EYS: variants seen among roughly 807,000 people sequenced by gnomAD.
The protein encoded by EYS is protein eyes shut homolog.
In EYS, 250 loss-of-function variants were observed where a neutral mutation model predicts 282.1. The observed-to-expected ratio is 0.89, with a 90% confidence interval of 0.80 to 0.98. The LOEUF is 0.98. EYS is among the 50% of genes least tolerant of loss of function. EYS has a pLI of 0.00. For missense variants in EYS, 4,016 were observed against 3,709.0 expected, an observed-to-expected ratio of 1.08 and a Z score of -2.15; for synonymous variants, 1,355 against 1,282.9, an observed-to-expected ratio of 1.06 and a Z score of -1.20.
At chr6:65,514,213 C>A (rs1308512992) in intron 2 of EYS, among the ~76,000 whole-genome samples, 3 of 151,992 alleles carry the variant, frequency 2.0e-5, no homozygotes, top group East Asian at 1.9e-4. Context: ...AATAAAATAC[C>A]TAGGAATCCA....
chr6:64,379,695 A>C (rs1772681808), intron 29 of EYS: 1 of 152,202 alleles, frequency 6.6e-6, no homozygotes, highest in African/African-American at 2.4e-5. Flanking sequence ...ATATCACATG[A>C]AAGTGAGGTG....
At chr6:64,130,949 C>A (rs1365224338) in intron 31 of EYS, among the ~76,000 whole-genome samples, 2 of 152,118 alleles carry the variant, frequency 1.3e-5, no homozygotes. Flanking sequence ...CTCATTGCAA[C>A]CTCCGCCTCC....
intron 31 of EYS, among the ~76,000 whole-genome samples, chr6:64,203,566 T>A (rs897528501): frequency 6.6e-5 from 10 of 152,114 alleles, no homozygotes; most frequent in African/African-American, 2.4e-4. Context: ...TTCTATGGGA[T>A]TATGCCAAAA....
intron 31 of EYS, among the ~76,000 whole-genome samples, chr6:64,196,207 C>T (rs1359419390): frequency 6.6e-6 from 1 of 152,166 alleles, no homozygotes; most frequent in Non-Finnish European, 1.5e-5. Flanking sequence ...CCATCTCACA[C>T]CAGTTAGAAT....
intron 8 of EYS, among the ~76,000 whole-genome samples, chr6:65,371,079 A>G (rs1478392485): frequency 6.6e-6 from 1 of 151,774 alleles, no homozygotes; most frequent in Non-Finnish European, 1.5e-5. Context: ...CTCCTTCTCC[A>G]TGAGTTCTGC....
At chr6:64,406,924 A>ACCAT (rs1773734154) in intron 28 of EYS, among the ~76,000 whole-genome samples, 2 of 151,002 alleles carry the variant, frequency 1.3e-5, no homozygotes, top group Admixed American at 1.3e-4. Flanking sequence ...GAACTAGAAA[A>ACCAT]TTGACCCAGC....
chr6:65,028,901 G>C (rs1256343320), intron 13 of EYS, among the ~76,000 whole-genome samples: 4 of 151,996 alleles, frequency 2.6e-5, no homozygotes, highest in Non-Finnish European at 4.4e-5. Context: ...CTATAAGGAA[G>C]AGCTTTGCCT....
intron 22 of EYS, among the ~76,000 whole-genome samples, chr6:64,763,869 C>T (rs528011867): frequency 1.3e-5 from 2 of 152,158 alleles, no homozygotes; most frequent in African/African-American, 4.8e-5. Context: ...GTCCAAAACC[C>T]AGTTGGGCAG....
chr6:64,217,250 C>T (rs1054731702), intron 31 of EYS, among the ~76,000 whole-genome samples: 2 of 151,846 alleles, frequency 1.3e-5, no homozygotes, highest in African/African-American at 4.8e-5. Context: ...CAGAAAGAGC[C>T]GAGAATGGTG....
chr6:64,039,002 G>A (rs1343036428), intron 33 of EYS, among the ~76,000 whole-genome samples: 3 of 151,936 alleles, frequency 2.0e-5, no homozygotes, highest in Non-Finnish European at 4.4e-5. Flanking sequence ...ACAGGGTTTC[G>A]CCACATTGGC....
chr6:64,388,781 C>T lies in EYS; in HGVS notation c.5987G>A (p.Cys1996Tyr). 1 of 1,544,678 alleles carries T rather than the reference C, an allele frequency of 6.5e-7. No individual in the cohort carries two copies. The highest frequency in any genetic ancestry group is 8.7e-7 in the Non-Finnish European group (1 of 1,143,502). ...LTILGRNTQICESINHVLGKP... is the reference protein window; with the variant it reads ...LTILGRNTQIYESINHVLGKP... ...TCCGAGTACATGATTGATAGATTCGCATATTTGTGTATTCCTCCCTAAAAT... is the reference window on the plus strand; with the variant it reads ...TCCGAGTACATGATTGATAGATTCGTATATTTGTGTATTCCTCCCTAAAAT... The change falls in exon 29 of 43, where the codon TGC becomes TAC. Residue 1996 changes from cysteine (C) to tyrosine (Y), a missense_variant. Physicochemically the swap from Cys to Tyr is radical, Grantham distance 194. Coordinates refer to ENST00000503581, the MANE Select transcript of EYS (RefSeq NM_001142800.2).
chr6:65,410,062 G>T (rs1160760800), intron 5 of EYS, among the ~76,000 whole-genome samples: 1 of 151,798 alleles, frequency 6.6e-6, no homozygotes, highest in African/African-American at 2.4e-5. Flanking sequence ...ATCAAATATT[G>T]ATATTTGATT....
intron 35 of EYS, among the ~76,000 whole-genome samples, chr6:63,948,871 A>C (rs2149763380): frequency 6.6e-6 from 1 of 152,188 alleles, no homozygotes; most frequent in Non-Finnish European, 1.5e-5. Flanking sequence ...AATACATATA[A>C]TATGTGCTAT....
chr6:65,030,672 T>G (rs1403097267), intron 13 of EYS, among the ~76,000 whole-genome samples: 1 of 152,168 alleles, frequency 6.6e-6, no homozygotes, highest in African/African-American at 2.4e-5. Context: ...ACACAGCAGG[T>G]GCTTAACGTT....
chr6:64,549,750 T>A (rs1582882721), intron 26 of EYS, among the ~76,000 whole-genome samples: 1 of 143,638 alleles, frequency 7.0e-6, no homozygotes, highest in African/African-American at 2.5e-5. Context: ...TTTTTTTTTT[T>A]TATACTTTAA....
rs1321201626 is a variant in EYS, at chr6:64,081,116, G to T, written c.6571+740C>A. Among the ~76,000 whole-genome samples, 3 of 152,126 alleles carry T rather than the reference G, an allele frequency of 2.0e-5. No homozygotes were observed. In the East Asian group the frequency reaches 5.8e-4, roughly 29 times the overall value. On this transcript the variant is annotated intron_variant, in intron 32 of 42. Transcript: ENST00000503581. Reference sequence around the variant, plus strand: ...AAGAAAGTCATTGGTGACTTTATGGGGATGGCAGAAAGTGGCCATACTGTC... The same window carrying T: ...AAGAAAGTCATTGGTGACTTTATGGTGATGGCAGAAAGTGGCCATACTGTC...
At chr6:64,392,489 A>C (rs9353753) in intron 28 of EYS, among the ~76,000 whole-genome samples, 39,962 of 148,768 alleles carry the variant, frequency 0.27, 5,452 homozygotes, top group East Asian at 0.45. Context: ...AAAACCGCTC[A>C]ACTACATGGA....
intron 14 of EYS, among the ~76,000 whole-genome samples, chr6:64,946,827 C>T (rs180697160): frequency 9.5e-4 from 144 of 151,916 alleles, no homozygotes; most frequent in African/African-American, 3.2e-3. Context: ...TATTTACTTT[C>T]GGTTGAAATG....
chr6:65,238,057 T>C (rs745642826), intron 12 of EYS, among the ~76,000 whole-genome samples: 1 of 151,928 alleles, frequency 6.6e-6, no homozygotes, highest in Non-Finnish European at 1.5e-5. Flanking sequence ...GGTATATGTA[T>C]ATAGATGGAA....
Sources: gnomAD v4.1 joint callset for allele counts (sites outside exome capture counted in the v4.1 genomes callset) on GRCh38, gnomAD v4.1.1 for gene constraint, MANE v1.5 for transcripts, NCBI Gene and HGNC (gene_info 2026-07-23, HGNC 2026-07-21) for gene names.